RALY: variants seen among roughly 807,000 people sequenced by gnomAD.
RALY encodes RNA-binding protein Raly.
In RALY, 15 loss-of-function variants were observed where a neutral mutation model predicts 30.7. The ratio of observed to expected loss-of-function variants is 0.49; its 90% CI spans 0.33 to 0.75. The LOEUF (loss-of-function observed/expected upper bound fraction) is 0.75. Among genes scored for constraint, RALY ranks in the 30% least tolerant of loss-of-function variants. RALY has a pLI of 0.02. For synonymous variants in RALY, 177 were observed against 170.8 expected, an observed-to-expected ratio of 1.04 and a Z score of -0.28; for missense variants, 339 against 414.3, an observed-to-expected ratio of 0.82 and a Z score of 1.58.
At chr20:34,034,891 G>T (rs1308068110) in intron 2 of RALY, among the ~76,000 whole-genome samples, 1 of 152,208 alleles carries the variant, frequency 6.6e-6, no homozygotes, top group East Asian at 1.9e-4. Flanking sequence ...GGTGGCTCAC[G>T]CCTGTAATCC....
chr20:34,064,789 A>G (rs1200864288), intron 2 of RALY, among the ~76,000 whole-genome samples: 1 of 152,230 alleles, frequency 6.6e-6, no homozygotes. Context: ...AATACCTGCT[A>G]GTCCCACCCA....
In RALY at chr20:34,075,936, G is replaced by A. The variant is rs1255338350; in HGVS notation, c.440G>A (p.Arg147Gln). The change falls in exon 6 of 10, where the codon CGA (arginine) becomes CAA (glutamine). Residue 147 changes from arginine to glutamine, a missense_variant. Arg to Gln is a conservative substitution (Grantham distance 43). Transcript: ENST00000246194. ...GTGCCCAGGGCGGTCCCTGTGAAGCGACCCCGGGTCACAGTCCCTTTGGTC... is the reference window on the plus strand; with the variant it reads ...GTGCCCAGGGCGGTCCCTGTGAAGCAACCCCGGGTCACAGTCCCTTTGGTC... ...VPVPRAVPVK[R>Q]PRVTVPLVRR... is the part of the protein sequence containing the mutation. 11 of 1,614,142 alleles carry A rather than the reference G, an allele frequency of 6.8e-6. No individual in the cohort carries two copies. Among genetic ancestry groups the A allele is most frequent in the African/African-American group, 1.3e-5 (1 of 75,048 alleles).
rs142150873 is a variant in RALY, at chr20:34,037,304, C to T, written c.-10+5700C>T. Among the ~76,000 whole-genome samples, 534 of 152,308 alleles carry T rather than the reference C, an allele frequency of 3.5e-3. 1 individual carries two copies. The highest frequency in any genetic ancestry group is 6.5e-3 in the Admixed American group (100 of 15,292). On this transcript the variant is annotated intron_variant, in intron 2 of 9. Coordinates refer to ENST00000246194, the MANE Select transcript of RALY (RefSeq NM_016732.3). ...TGGGCAGGCTGAGCTTTGAGTAAGA[C>T]ATACGGGGGTGGTGTAGCAGGAAGT...
At chr20:34,016,345 G>A (rs552656717) in intron 1 of RALY, 1 of 152,366 alleles carries the variant, frequency 6.6e-6, no homozygotes, top group South Asian at 2.1e-4. Context: ...TATAATGATG[G>A]GGGTAGGGGA....
chr20:34,078,383 T>C (rs2033953109), intron 8 of RALY, 122 bp from the exon 9 acceptor site: 9 of 825,520 alleles, frequency 1.1e-5, no homozygotes, highest in Non-Finnish European at 1.6e-5. Context: ...TGTTCCTGCG[T>C]CTTCTGACTG....
At chr20:34,036,086 T>C (rs1466399793) in intron 2 of RALY, among the ~76,000 whole-genome samples, 4 of 151,630 alleles carry the variant, frequency 2.6e-5, no homozygotes, top group Non-Finnish European at 5.9e-5. Context: ...CTGAGTTAAA[T>C]AGGAAGACAT....
chr20:34,004,332 A>G (rs1309364510), intron 1 of RALY, among the ~76,000 whole-genome samples: 1 of 152,198 alleles, frequency 6.6e-6, no homozygotes, highest in Non-Finnish European at 1.5e-5. Flanking sequence ...TGAAATACCA[A>G]TCAATATTGC....
chr20:34,002,933 AGG>A (rs2030985868), intron 1 of RALY, among the ~76,000 whole-genome samples: 2 of 152,154 alleles, frequency 1.3e-5, no homozygotes, highest in East Asian at 3.8e-4. Context: ...GAATTATCTG[AGG>A]TGTGGTTTCT....
At chr20:34,079,319 GGT>G (rs2033981496) in intron 9 of RALY, among the ~76,000 whole-genome samples, 1 of 152,174 alleles carries the variant, frequency 6.6e-6, no homozygotes, top group African/African-American at 2.4e-5. Flanking sequence ...TCAGCCCAGT[GGT>G]GTGTGGCTTC....
intron 1 of RALY, among the ~76,000 whole-genome samples, chr20:34,019,987 G>C (rs1475156314): frequency 6.6e-6 from 1 of 152,034 alleles, no homozygotes; most frequent in Non-Finnish European, 1.5e-5. Flanking sequence ...CGTGAACCCG[G>C]GAGGCGGAGC....
intron 2 of RALY, among the ~76,000 whole-genome samples, chr20:34,049,412 T>G (rs1214664437): frequency 1.3e-5 from 2 of 152,178 alleles, no homozygotes; most frequent in Non-Finnish European, 2.9e-5. Context: ...GTAAGATGTA[T>G]GTAGTCCCCT....
At chr20:34,025,895 G>A (rs2032006961) in intron 1 of RALY, among the ~76,000 whole-genome samples, 1 of 104,638 alleles carries the variant, frequency 9.6e-6, no homozygotes, top group African/African-American at 3.3e-5. Context: ...GTAGATTCCT[G>A]GTTGTTTTTT....
intron 2 of RALY, chr20:34,065,110 G>C (rs188931728): frequency 6.6e-6 from 1 of 152,322 alleles, no homozygotes; most frequent in South Asian, 2.1e-4. Context: ...GTGTTTCCCA[G>C]CATCTCCACA....
At chr20:34,068,244 C>T (rs1051825437) in intron 2 of RALY, among the ~76,000 whole-genome samples, 3 of 152,050 alleles carry the variant, frequency 2.0e-5, no homozygotes, top group Non-Finnish European at 4.4e-5. Context: ...AGAGCTTGGC[C>T]CAGGGCAGGA....
chr20:34,073,289 T>G (rs2033782388), intron 3 of RALY, among the ~76,000 whole-genome samples: 1 of 150,074 alleles, frequency 6.7e-6, no homozygotes, highest in Admixed American at 6.6e-5. Context: ...TCGACGTGTG[T>G]GTGTGGTGGG....
At chr20:34,019,031 A>C (rs78311108) in intron 1 of RALY, among the ~76,000 whole-genome samples, 1 of 152,302 alleles carries the variant, frequency 6.6e-6, no homozygotes, top group East Asian at 1.9e-4. Flanking sequence ...GTCTAAAAAT[A>C]GGATCCCTCG....
chr20:34,053,383 ATTTTTTT>A (rs60912814), intron 2 of RALY, among the ~76,000 whole-genome samples: 132 of 54,132 alleles, frequency 2.4e-3, no homozygotes, highest in South Asian at 0.013. Flanking sequence ...ATGTTCAATA[ATTTTTTT>A]TTTTTTTTTT....
intron 3 of RALY, 112 bp from the exon 4 acceptor site, chr20:34,073,451 A>G: frequency 1.0e-6 from 1 of 983,492 alleles, no homozygotes; most frequent in South Asian, 1.4e-5. Context: ...AGTGAGCAGA[A>G]TCCATGTGTA....
At chr20:33,999,494 G>A (rs925442442) in intron 1 of RALY, among the ~76,000 whole-genome samples, 5 of 152,144 alleles carry the variant, frequency 3.3e-5, no homozygotes, top group African/African-American at 1.2e-4. Flanking sequence ...AGACATCCGG[G>A]TGTGGCACAG....
Sources: allele counts gnomAD v4.1 joint callset (sites outside exome capture counted in the v4.1 genomes callset), GRCh38; gene constraint gnomAD v4.1.1; transcripts MANE v1.5; gene names NCBI Gene and HGNC (gene_info 2026-07-23, HGNC 2026-07-21).